GNA13: variants seen among roughly 807,000 people sequenced by gnomAD.
The protein encoded by GNA13 is guanine nucleotide-binding protein subunit alpha-13.
A neutral mutation model predicts 33.5 loss-of-function variants in GNA13; 4 were observed. That is an observed-to-expected ratio of 0.12 (90% CI 0.06 to 0.27). GNA13 has a LOEUF of 0.27. Among genes scored for constraint, GNA13 ranks in the 10% least tolerant of loss-of-function variants. The probability of loss-of-function intolerance (pLI) is 1.00; values close to 1 mark genes in which losing one functional copy is unlikely to be tolerated. For missense variants in GNA13, 319 were observed against 487.2 expected, an observed-to-expected ratio of 0.65 and a Z score of 3.25; for synonymous variants, 176 against 183.8, an observed-to-expected ratio of 0.96 and a Z score of 0.34.
At chr17:65,047,321 C>G (rs1169939574) in intron 2 of GNA13, among the ~76,000 whole-genome samples, 5 of 152,030 alleles carry the variant, frequency 3.3e-5, no homozygotes, top group Admixed American at 6.6e-5. Context: ...CCAGGAGTCC[C>G]AAGGTTACAG....
At chr17:65,034,335 T>G (rs944359282) in intron 2 of GNA13, among the ~76,000 whole-genome samples, 2 of 152,104 alleles carry the variant, frequency 1.3e-5, no homozygotes, top group African/African-American at 4.8e-5. Flanking sequence ...TTATATCAAG[T>G]TTTTGTGTTG....
At chr17:65,042,429 G>A (rs188298800) in intron 2 of GNA13, among the ~76,000 whole-genome samples, 1 of 151,278 alleles carries the variant, frequency 6.6e-6, no homozygotes, top group Admixed American at 6.6e-5. Context: ...GGTATCACTA[G>A]GCAACAAGAA....
At chr17:65,016,178 G>C (rs968047514) in intron 3 of GNA13, among the ~76,000 whole-genome samples, 1 of 152,142 alleles carries the variant, frequency 6.6e-6, no homozygotes, top group Non-Finnish European at 1.5e-5. Flanking sequence ...GGTAATACAT[G>C]AACGGGACAG....
At chr17:65,027,553 CT>C (rs893634163) in intron 2 of GNA13, among the ~76,000 whole-genome samples, 2 of 152,290 alleles carry the variant, frequency 1.3e-5, no homozygotes, top group African/African-American at 4.8e-5. Flanking sequence ...ATGCAATCAT[CT>C]GTGTACTTGT....
intron 2 of GNA13, among the ~76,000 whole-genome samples, chr17:65,028,054 G>A (rs889838059): frequency 4.6e-5 from 7 of 152,096 alleles, no homozygotes; most frequent in East Asian, 1.9e-4. Flanking sequence ...GTGAAACCCC[G>A]TCTCTACTAA....
chr17:65,019,357 T>G (rs1485127536), intron 2 of GNA13, among the ~76,000 whole-genome samples: 2 of 152,028 alleles, frequency 1.3e-5, no homozygotes, highest in Non-Finnish European at 2.9e-5. Context: ...AGGAGAGAGA[T>G]ATCTGCACCC....
At chr17:65,056,261 G>GC (rs1908053998) in intron 1 of GNA13, 50 bp downstream of exon 1, 22 of 560,676 alleles carry the variant, frequency 3.9e-5, no homozygotes, top group Admixed American at 1.9e-4. Flanking sequence ...ACCCGCCGCC[G>GC]CCCCAGCCCC....
At chr17:65,024,357 CA>C (rs1906695565) in intron 2 of GNA13, among the ~76,000 whole-genome samples, 1 of 152,160 alleles carries the variant, frequency 6.6e-6, no homozygotes, top group African/African-American at 2.4e-5. Flanking sequence ...GGAATATTTG[CA>C]ACTGACTCTG....
At chr17:65,049,410 T>G (rs1907781655) in intron 2 of GNA13, among the ~76,000 whole-genome samples, 1 of 152,196 alleles carries the variant, frequency 6.6e-6, no homozygotes, top group African/African-American at 2.4e-5. Context: ...TATTTTATTT[T>G]TTTAGAACAT....
At chr17:65,035,734 T>C (rs939825076) in intron 2 of GNA13, among the ~76,000 whole-genome samples, 2 of 151,874 alleles carry the variant, frequency 1.3e-5, no homozygotes, top group East Asian at 3.8e-4. Flanking sequence ...CCCATCAGCA[T>C]ATCAAGAAAT....
chr17:65,048,234 CA>C (rs961674232), intron 2 of GNA13, among the ~76,000 whole-genome samples: 2 of 150,778 alleles, frequency 1.3e-5, no homozygotes, highest in East Asian at 1.9e-4. Context: ...ATAAATTAAA[CA>C]AAAAAAAATA....
chr17:65,034,947 G>C (rs2143802929), intron 2 of GNA13, among the ~76,000 whole-genome samples: 1 of 152,166 alleles, frequency 6.6e-6, no homozygotes, highest in South Asian at 2.1e-4. Context: ...CACCACGCCT[G>C]GCTAATTTTG....
intron 2 of GNA13, among the ~76,000 whole-genome samples, chr17:65,031,419 C>A (rs888051006): frequency 6.6e-6 from 1 of 152,174 alleles, no homozygotes; most frequent in Non-Finnish European, 1.5e-5. Flanking sequence ...TCTAAAATAG[C>A]TAAGCCCAAT....
rs1204451996 is a variant in GNA13, at chr17:65,056,562, A to T, written c.32T>A (p.Leu11Gln). Residue 11 changes from leucine (L) to glutamine (Q), a missense_variant, in exon 1 of 4, where the codon CTG becomes CAG. By Grantham distance (113) the Leu-to-Gln change is moderately radical. Around this residue, in one of 4 missense-constraint regions of GNA13, gnomAD observed 47 missense variants for 64.7 expected, o/e 0.73. Coordinates refer to ENST00000439174, the MANE Select transcript of GNA13 (RefSeq NM_006572.6). ...CAGGCAGCCGGGGAAGCACACGGACAGCACGGACCGCGACGGCAGGAAGTC... is the reference window on the plus strand; with the variant it reads ...CAGGCAGCCGGGGAAGCACACGGACTGCACGGACCGCGACGGCAGGAAGTC... MADFLPSRSV[L>Q]SVCFPGCLLT... 2 of 1,610,310 alleles carry T rather than the reference A, an allele frequency of 1.2e-6. No individual in the cohort carries two copies. The highest frequency in any genetic ancestry group is 1.7e-5 in the Admixed American group (1 of 59,900).
At position 65,056,628 on chromosome 17, in the gene GNA13, C is replaced by T. The variant is rs758878665; in HGVS notation, c.-35G>A. On this transcript the variant is annotated 5_prime_UTR_variant, in exon 1 of 4. Coordinates refer to ENST00000439174, the MANE Select transcript of GNA13 (RefSeq NM_006572.6). Reference sequence around the variant, plus strand: ...GCCGCCGCCGCCTCGGCGGGCCCCTCCGGCTCCCTCCACCTCCTCCTCCGG... The same window carrying T: ...GCCGCCGCCGCCTCGGCGGGCCCCTTCGGCTCCCTCCACCTCCTCCTCCGG... 1 of 1,580,282 alleles carries T rather than the reference C, an allele frequency of 6.3e-7. No homozygotes were observed. The highest frequency in any genetic ancestry group is 8.6e-7 in the Non-Finnish European group (1 of 1,165,816).
At chr17:65,056,251 A>ACCCCCCCCCCCCCCC in intron 1 of GNA13, 60 bp downstream of exon 1, 6 of 740,730 alleles carry the variant, frequency 8.1e-6, no homozygotes, top group Non-Finnish European at 1.2e-5. Context: ...CCCGCCCCGC[A>ACCCCCCCCCCCCCCC]CCCGCCGCCG....
chr17:65,049,662 T>C (rs1014376044), intron 2 of GNA13, among the ~76,000 whole-genome samples: 2 of 152,010 alleles, frequency 1.3e-5, no homozygotes, highest in African/African-American at 4.8e-5. Context: ...ATGCTTCAAA[T>C]AAAGAGACAC....
At position 65,014,023 on chromosome 17, in the gene GNA13, G is replaced by A; in HGVS notation, c.*234C>T. The A allele has an allele frequency of 4.1e-6, 2 of 486,328 alleles. No homozygotes were observed. The highest frequency in any genetic ancestry group is 7.3e-6 in the Non-Finnish European group (2 of 273,226). 30.1% of individuals were successfully genotyped at this position (486,328 alleles called of 1,614,324 possible). On this transcript the variant is annotated 3_prime_UTR_variant, in exon 4 of 4. Transcript: ENST00000439174. This position sits in a 1 kb window ranked among gnomAD's most constrained non-coding sequence, Gnocchi z 5.3. ...GGGAGGTTTTAACTGGACTTGAATA[G>A]AAGCCATGGTGAAACAGATCAAAGC... is the stretch of plus-strand genomic sequence containing the variant.
In GNA13 at chr17:65,012,656, G is replaced by GT. The variant is rs1906235960; in HGVS notation, c.*1600dup. ...TAGTTCACTGAAAAGCCCCACTCTC[G>GT]TATCAGACAGCAAGACAGAACAACA... On this transcript the variant is annotated 3_prime_UTR_variant, in exon 4 of 4. Transcript: ENST00000439174. 4.4e-6 allele frequency: 1 copy of GT among 229,732 alleles called. No individual in the cohort carries two copies. Among genetic ancestry groups the GT allele is most frequent in the Non-Finnish European group, 8.6e-6 (1 of 116,078 alleles). The allele number at this position is 229,732 out of a possible 1,614,324, so 14.2% of individuals were successfully genotyped here. A position where few individuals can be genotyped will look rare whatever the true frequency, so the allele number is the denominator to read the frequency against.
Sources: gnomAD v4.1 joint callset for allele counts (sites outside exome capture counted in the v4.1 genomes callset) on GRCh38, gnomAD v4.1.1 for gene constraint, gnomAD v4.1.1 regional missense constraint, Gnocchi (gnomAD v3.1) non-coding constraint, MANE v1.5 for transcripts, NCBI Gene and HGNC (gene_info 2026-07-23, HGNC 2026-07-21) for gene names.